The following CCDC171 variants were observed in gnomAD, a reference collection of about 807,000 sequenced individuals.
CCDC171 encodes coiled-coil domain containing 171.
In CCDC171, 177 loss-of-function variants were observed where a neutral mutation model predicts 168.2. The observed-to-expected ratio is 1.05, with a 90% CI of 0.93 to 1.19. The LOEUF (loss-of-function observed/expected upper bound fraction) is 1.19. Among genes scored for constraint, CCDC171 ranks in the 50% most tolerant of loss-of-function variants. The pLI is 0.00. For synonymous variants in CCDC171, 687 were observed against 540.8 expected (o/e 1.27, Z -3.75); for missense variants, 1,991 against 1,539.0 (o/e 1.29, Z -4.91).
chr9:15,885,639 G>A (rs41439648), intron 24 of CCDC171: 1 of 152,144 alleles, frequency 6.6e-6, no homozygotes, highest in Non-Finnish European at 1.5e-5. Flanking sequence ...TTTGCTGTCA[G>A]TTAAGGCTCT....
chr9:15,662,978 C>CA (rs1564163159), intron 8 of CCDC171, among the ~76,000 whole-genome samples: 9 of 122,734 alleles, frequency 7.3e-5, no homozygotes, highest in Non-Finnish European at 1.2e-4. Context: ...GAGACTTCGT[C>CA]TCAACAACAA....
At chr9:16,024,900 T>A (rs1833244795) in intron 6 of CCDC171, among the ~76,000 whole-genome samples, 1 of 152,172 alleles carries the variant, frequency 6.6e-6, no homozygotes, top group Non-Finnish European at 1.5e-5. Context: ...GGATAACCAA[T>A]CATCTCAGAT....
At chr9:15,628,990 C>G (rs1414653113) in intron 7 of CCDC171, among the ~76,000 whole-genome samples, 1 of 152,154 alleles carries the variant, frequency 6.6e-6, no homozygotes, top group Non-Finnish European at 1.5e-5. Context: ...AGAAGGAAAA[C>G]TAACAAACAG....
chr9:15,904,843 G>A lies in CCDC171; in HGVS notation c.3601-15427G>A, dbSNP rs1247677681. On this transcript the variant is annotated intron_variant, in intron 24 of 25. Transcript: ENST00000380701. Reference sequence around the variant, plus strand: ...TGGAGGAAGATCTACCAAGCAAATGGAAAACAAAAAAAGGCAGGGGTTGCA... The same window carrying A: ...TGGAGGAAGATCTACCAAGCAAATGAAAAACAAAAAAAGGCAGGGGTTGCA... Among the ~76,000 whole-genome samples the A allele has an allele frequency of 1.7e-3, 257 of 149,396 alleles. 2 individuals carry two copies. Among genetic ancestry groups the A allele is most frequent in the African/African-American group, 5.8e-3 (237 of 40,820 alleles).
At chr9:15,625,818 A>G (rs909863376) in intron 7 of CCDC171, among the ~76,000 whole-genome samples, 2 of 152,184 alleles carry the variant, frequency 1.3e-5, no homozygotes, top group Admixed American at 6.5e-5. Context: ...TTGGTTTCAT[A>G]TGAAATTTAA....
At chr9:15,594,840 G>T (rs1162551587) in intron 6 of CCDC171, among the ~76,000 whole-genome samples, 1 of 152,082 alleles carries the variant, frequency 6.6e-6, no homozygotes, top group African/African-American at 2.4e-5. Context: ...CTAGTGTGTT[G>T]TGTGTTTTAA....
At chr9:16,081,516 C>T in the CCDC171 span, among the ~76,000 whole-genome samples, 148 of 152,296 alleles carry the variant, frequency 9.7e-4, no homozygotes, top group African/African-American at 3.5e-3. Flanking sequence ...GCTCTAGATG[C>T]TGTTGACAGT....
Position 15,920,296 on chromosome 9 carries a change from C to G in CCDC171, c.3627C>G (p.Val1209=), listed in dbSNP as rs1164259897. 1 of 1,598,696 alleles carries G rather than the reference C, an allele frequency of 6.3e-7. No individual in the cohort carries two copies. The highest frequency in any genetic ancestry group is 8.5e-7 in the Non-Finnish European group (1 of 1,170,694). ...CTATGATTAAAAGTTTCATGGATGTCTACCAGCTTGCAAGCACTAGAATCA... is the reference window on the plus strand; with the variant it reads ...CTATGATTAAAAGTTTCATGGATGTGTACCAGCTTGCAAGCACTAGAATCA... ...CQAMIKSFMD[V]YQLASTRIMT... Residue 1209 remains valine, a synonymous_variant, in exon 25 of 26, where the codon GTC becomes GTG. Coordinates refer to ENST00000380701, the MANE Select transcript of CCDC171 (RefSeq NM_173550.4).
chr9:15,722,575 T>C (rs992022149), intron 12 of CCDC171, among the ~76,000 whole-genome samples: 1 of 152,234 alleles, frequency 6.6e-6, no homozygotes, highest in African/African-American at 2.4e-5. Context: ...TTAAATACAA[T>C]TAGTTAGCAA....
chr9:16,039,911 A>G (rs928550661), upstream of CCDC171, among the ~76,000 whole-genome samples: 3 of 152,120 alleles, frequency 2.0e-5, no homozygotes, highest in Non-Finnish European at 2.9e-5. Context: ...GCCAGAAGGA[A>G]GGAGATTGGA....
intron 3 of CCDC171, among the ~76,000 whole-genome samples, chr9:15,578,439 ATTATT>A (rs2040847218): frequency 6.9e-6 from 1 of 145,024 alleles, no homozygotes; most frequent in African/African-American, 2.5e-5. Context: ...TATTATTATT[ATTATT>A]ATTATTATTG....
At chr9:15,905,142 G>A (rs1394802554) in intron 24 of CCDC171, among the ~76,000 whole-genome samples, 1 of 152,180 alleles carries the variant, frequency 6.6e-6, no homozygotes, top group African/African-American at 2.4e-5. Flanking sequence ...AGATATCCAG[G>A]AATTGAACTC....
rs529159635 is a variant in CCDC171 at position 15,635,761 on chromosome 9, C to T, written c.822+12348C>T. On this transcript the variant is annotated intron_variant, in intron 7 of 25. Transcript: ENST00000380701. The stretch of plus-strand genomic sequence containing the variant: ...TAATGCCACCATGAACATTCGTGTA[C>T]AGGTTTTTGTGTGGATATGTTTTCA... Among the ~76,000 whole-genome samples, 8 of 152,256 alleles carry T rather than the reference C, an allele frequency of 5.3e-5. 1 individual carries two copies. In the South Asian group the frequency reaches 1.7e-3, roughly 32 times the overall value.
chr9:15,916,461 G>A (rs1054940533), intron 24 of CCDC171, among the ~76,000 whole-genome samples: 12 of 152,002 alleles, frequency 7.9e-5, no homozygotes, highest in African/African-American at 1.9e-4. Context: ...AATTAAAGTC[G>A]AAGTGATAGA....
At chr9:15,941,560 T>C (rs1827737464) in intron 25 of CCDC171, among the ~76,000 whole-genome samples, 1 of 152,030 alleles carries the variant, frequency 6.6e-6, no homozygotes, top group South Asian at 2.1e-4. Context: ...GTTCCATTCA[T>C]CTGATCAAAA....
chr9:15,825,763 C>T (rs2059986051), intron 21 of CCDC171, among the ~76,000 whole-genome samples: 1 of 152,072 alleles, frequency 6.6e-6, no homozygotes, highest in Non-Finnish European at 1.5e-5. Context: ...GTGTCTTAAT[C>T]TGCAGCTATT....
At chr9:15,634,294 A>T (rs1333323652) in intron 7 of CCDC171, among the ~76,000 whole-genome samples, 2 of 152,166 alleles carry the variant, frequency 1.3e-5, no homozygotes, top group African/African-American at 4.8e-5. Context: ...TTTCTTTGGA[A>T]AATTTTTAAA....
the CCDC171 span, among the ~76,000 whole-genome samples, chr9:16,104,841 A>G: frequency 6.6e-6 from 1 of 151,994 alleles, no homozygotes; most frequent in African/African-American, 2.4e-5. Context: ...GTGGGCCTTG[A>G]CCTACGGGGC....
intron 23 of CCDC171, among the ~76,000 whole-genome samples, chr9:15,862,970 T>G (rs1470799910): frequency 6.6e-6 from 1 of 151,990 alleles, no homozygotes; most frequent in African/African-American, 2.4e-5. Flanking sequence ...GCATTTTTTT[T>G]CACTGGTCCT....
Sources: allele counts gnomAD v4.1 joint callset (sites outside exome capture counted in the v4.1 genomes callset), GRCh38; gene constraint gnomAD v4.1.1; transcripts MANE v1.5; gene names NCBI Gene and HGNC (gene_info 2026-07-23, HGNC 2026-07-21).